Variants in TP53TG5 observed in about 807,000 individuals in gnomAD.
TP53TG5 encodes the protein TP53-target gene 5 protein.
Under a neutral mutation model 30.0 loss-of-function variants are expected in TP53TG5, and 17 were observed. That is an observed-to-expected ratio of 0.57 (90% confidence interval 0.39 to 0.85). TP53TG5 has a LOEUF of 0.85. Among genes scored for constraint, TP53TG5 ranks in the 40% least tolerant of loss-of-function variants. The probability of loss-of-function intolerance (pLI) is 0.00; values close to 1 mark genes in which losing one functional copy is unlikely to be tolerated. For missense variants in TP53TG5, 338 were observed against 367.9 expected, an observed-to-expected ratio of 0.92 and a Z score of 0.67; for synonymous variants, 137 against 139.2, an observed-to-expected ratio of 0.98 and a Z score of 0.11.
At position 45,373,815 on chromosome 20, in the gene TP53TG5, C is replaced by T. The variant is rs551225584; in HGVS notation, c.*92G>A. The T allele has an allele frequency of 2.7e-4, 345 of 1,261,214 alleles. 3 individuals are homozygous for T. Among genetic ancestry groups the T allele is most frequent in the South Asian group, 2.2e-3 (182 of 83,142 alleles). The allele number at this position is 1,261,214 out of a possible 1,614,324, so 78.1% of individuals were successfully genotyped here. A position where few individuals can be genotyped will look rare whatever the true frequency, so the allele number is the denominator to read the frequency against. ...AAGCCTGAAGTCGCGACACAGGCTC[C>T]CTCTACCGAAGGCCTCTTTCCTTCA... On this transcript the variant is annotated 3_prime_UTR_variant, in exon 5 of 5. Transcript: ENST00000372726.
At chr20:45,375,664 G>T in intron 3 of TP53TG5, 112 bp from the exon 4 acceptor site, 1 of 1,344,906 alleles carries the variant, frequency 7.4e-7, no homozygotes, top group Non-Finnish European at 1.0e-6. Flanking sequence ...AGAGGGGCCT[G>T]CAAAGAAACT....
rs779686519 is a variant in TP53TG5, at chr20:45,375,144, C to T, written c.663G>A (p.Pro221=). 33 of 1,613,994 alleles carry T rather than the reference C, an allele frequency of 2.0e-5. No individual in the cohort carries two copies. The Middle Eastern group carries it at 8.2e-4, about 40-fold the overall frequency. Reference sequence around the variant, plus strand: ...AGGATCTGCACATCACCCTGGGCGCCGGGAGGTGGATTCGTGTGGGCAGCC... The same window carrying T: ...AGGATCTGCACATCACCCTGGGCGCTGGGAGGTGGATTCGTGTGGGCAGCC... The part of the protein sequence containing the change: ...FEGLPTRIHL[P]APRVMCRSST... Residue 221 remains proline (P), a synonymous_variant, in exon 4 of 5, where the codon CCG becomes CCA. Coordinates refer to ENST00000372726, the MANE Select transcript of TP53TG5 (RefSeq NM_014477.3).
chr20:45,378,212 G>A lies in TP53TG5; in HGVS notation c.25C>T (p.Pro9Ser), dbSNP rs377107645. Reference protein sequence around the residue: MSPSAKKRPKNSRVSKMQD... With the variant: MSPSAKKRSKNSRVSKMQD... ...ACCTTGGAAACCCTGCTGTTCTTGG[G>A]CCTCTTCTTTGCTGATGGACTCATG... is the stretch of plus-strand genomic sequence containing the variant. Residue 9 changes from proline (P) to serine (S), a missense_variant, in exon 1 of 5, where the codon CCC (proline) becomes TCC (serine). Pro to Ser is a moderately conservative substitution (Grantham distance 74, BLOSUM62 -1). Transcript: ENST00000372726. The A allele has an allele frequency of 2.5e-6, 4 of 1,613,996 alleles. No individual in the cohort carries two copies. The highest frequency in any genetic ancestry group is 3.4e-6 in the Non-Finnish European group (4 of 1,180,008).
chr20:45,378,219 C>A lies in TP53TG5; in HGVS notation c.18G>T (p.Lys6Asn). Residue 6 changes from lysine to asparagine, a missense_variant, in exon 1 of 5, where the codon AAG becomes AAT. Transcript: ENST00000372726. ...AAACCCTGCTGTTCTTGGGCCTCTT[C>A]TTTGCTGATGGACTCATGCTGGGGC... MSPSAKKRPKNSRVSK... is the reference protein window; with the variant it reads MSPSANKRPKNSRVSK... The A allele has an allele frequency of 1.9e-6, 3 of 1,614,152 alleles. No homozygotes were observed. The highest frequency in any genetic ancestry group is 1.1e-5 in the South Asian group (1 of 91,080).
chr20:45,373,814 C>A lies in TP53TG5; in HGVS notation c.*93G>T. On this transcript the variant is annotated 3_prime_UTR_variant, in exon 5 of 5. Coordinates refer to ENST00000372726, the MANE Select transcript of TP53TG5 (RefSeq NM_014477.3). ...GAAGCCTGAAGTCGCGACACAGGCT[C>A]CCTCTACCGAAGGCCTCTTTCCTTC... 8.1e-7 allele frequency: 1 copy of A among 1,238,552 alleles called. No homozygotes were observed. The highest frequency in any genetic ancestry group is 1.2e-6 in the Non-Finnish European group (1 of 847,746). 76.7% of individuals were successfully genotyped at this position (1,238,552 alleles called of 1,614,324 possible). A position where few individuals can be genotyped will look rare whatever the true frequency, so the allele number is the denominator to read the frequency against.
rs767216821 is a variant in TP53TG5, at chr20:45,375,270, G to A, written c.537C>T (p.Thr179=). 10 of 1,614,028 alleles carry A rather than the reference G, an allele frequency of 6.2e-6. No individual in the cohort carries two copies. In the Admixed American group the frequency reaches 8.3e-5, roughly 13 times the overall value. The stretch of plus-strand genomic sequence containing the variant: ...TAATGAAGATGACTCGGGGGCCCTC[G>A]GTGAGTGGTTGCCTCCCCTGGACTC... The part of the protein sequence containing the change: ...NPGVQGRQPL[T]EGPRVIFIKP... Residue 179 remains threonine (T), a synonymous_variant, in exon 4 of 5, where the codon ACC becomes ACT. Transcript: ENST00000372726.
At position 45,373,541 on chromosome 20, in the gene TP53TG5, A is replaced by G. The variant is rs1190176319; in HGVS notation, c.*366T>C. ...GAAAATGGAATGGGGAGCAACCAGG[A>G]GCCCTTGCTCCTGCCACTTTCTAGC... On this transcript the variant is annotated 3_prime_UTR_variant, in exon 5 of 5. Transcript: ENST00000372726. 3.1e-5 allele frequency: 9 copies of G among 294,268 alleles called. No homozygotes were observed. Among genetic ancestry groups the G allele is most frequent in the Non-Finnish European group, 5.9e-5 (9 of 153,540 alleles). 18.2% of individuals were successfully genotyped at this position (294,268 alleles called of 1,614,324 possible).
At position 45,375,264 on chromosome 20, in the gene TP53TG5, GC is replaced by G; in HGVS notation, c.542del (p.Gly181AlafsTer19). 6.2e-7 allele frequency: 1 copy of G among 1,614,198 alleles called. No individual in the cohort carries two copies. The highest frequency in any genetic ancestry group is 8.5e-7 in the Non-Finnish European group (1 of 1,180,026). ...GVQGRQPLTE[G>X]PRVIFIKPYR... ...AGGGCTTAATGAAGATGACTCGGGG[GC>G]CCTCGGTGAGTGGTTGCCTCCCCTG... On this transcript the variant is annotated frameshift_variant, in exon 4 of 5. Coordinates refer to ENST00000372726, the MANE Select transcript of TP53TG5 (RefSeq NM_014477.3). LOFTEE classifies it high-confidence loss of function.
intron 4 of TP53TG5, chr20:45,374,479 C>A: frequency 1.8e-6 from 1 of 563,772 alleles, no homozygotes; most frequent in Non-Finnish European, 3.1e-6. Flanking sequence ...ATTATGTTGC[C>A]CAGGATGGTC....
chr20:45,377,442 C>T, intron 2 of TP53TG5, 97 bp downstream of exon 2: 2 of 1,608,022 alleles, frequency 1.2e-6, no homozygotes. Context: ...AAGGGCCGGC[C>T]TGCTGGCTCC....
intron 3 of TP53TG5, among the ~76,000 whole-genome samples, chr20:45,376,959 A>T (rs867029522): frequency 1.1e-4 from 17 of 152,288 alleles, no homozygotes; most frequent in African/African-American, 3.9e-4. Flanking sequence ...AACCATTGTT[A>T]TGGCCACAGC....
chr20:45,378,298 T>C lies in TP53TG5; in HGVS notation c.-62A>G, dbSNP rs530716752. 2 of 1,611,720 alleles carry C rather than the reference T, an allele frequency of 1.2e-6. No individual in the cohort carries two copies. Among genetic ancestry groups the C allele is most frequent in the East Asian group, 4.5e-5 (2 of 44,822 alleles). On this transcript the variant is annotated 5_prime_UTR_variant, in exon 1 of 5. Coordinates refer to ENST00000372726, the MANE Select transcript of TP53TG5 (RefSeq NM_014477.3). ...CACCAGTGCCAGGCACCAACCCTGT[T>C]CCTCTCAGTTCAGCCAGCACTCAGG... is the stretch of plus-strand genomic sequence containing the variant.
At position 45,377,331 on chromosome 20, in the gene TP53TG5, G is replaced by GT. The variant is rs1988762430; in HGVS notation, c.134dup (p.Asn45LysfsTer20). ...TCTTGAGTAGCTTCAAGAGCGACAA[G>GT]TTTTTTAACACCTGCCAGGGTCAAG... is the stretch of plus-strand genomic sequence containing the variant. On this transcript the variant is annotated frameshift_variant, in exon 3 of 5. Coordinates refer to ENST00000372726, the MANE Select transcript of TP53TG5 (RefSeq NM_014477.3). LOFTEE classifies it high-confidence loss of function. 1.2e-6 allele frequency: 2 copies of GT among 1,614,142 alleles called. No individual in the cohort carries two copies. Among genetic ancestry groups the GT allele is most frequent in the Non-Finnish European group, 8.5e-7 (1 of 1,180,030 alleles).
intron 4 of TP53TG5, 166 bp downstream of exon 4, chr20:45,374,873 G>T (rs777626619): frequency 5.8e-6 from 5 of 867,364 alleles, no homozygotes; most frequent in Non-Finnish European, 7.0e-6. Flanking sequence ...GTATGATGTT[G>T]GTCTAAGGCT....
In TP53TG5 at chr20:45,373,521, T is replaced by C; in HGVS notation, c.*386A>G. On this transcript the variant is annotated 3_prime_UTR_variant, in exon 5 of 5. Coordinates refer to ENST00000372726, the MANE Select transcript of TP53TG5 (RefSeq NM_014477.3). ...TCGCCTTTTCCCTTTCTTGGGAAAATGGAATGGGGAGCAACCAGGAGCCCT... is the reference window on the plus strand; with the variant it reads ...TCGCCTTTTCCCTTTCTTGGGAAAACGGAATGGGGAGCAACCAGGAGCCCT... 2 of 252,556 alleles carry C rather than the reference T, an allele frequency of 7.9e-6. No homozygotes were observed. Among genetic ancestry groups the C allele is most frequent in the South Asian group, 1.3e-4 (2 of 15,228 alleles). 15.6% of individuals were successfully genotyped at this position (252,556 alleles called of 1,614,324 possible).
intron 4 of TP53TG5, chr20:45,374,745 CAGCAG>C (rs1988669592): frequency 4.2e-6 from 2 of 471,684 alleles, no homozygotes; most frequent in Non-Finnish European, 7.5e-6. Flanking sequence ...TTCAGAGCCA[CAGCAG>C]TTTCCACCTC....
Position 45,373,916 on chromosome 20 carries a change from G to T in TP53TG5, c.864C>A (p.Val288=). ...KGRNGWRNSR[V]YK is the part of the protein sequence containing the mutation. ...TGCCATATGGAAGATCTTATTTGTAGACTCGTGAATTTCGCCACCCATTCC... is the reference window on the plus strand; with the variant it reads ...TGCCATATGGAAGATCTTATTTGTATACTCGTGAATTTCGCCACCCATTCC... The change falls in exon 5 of 5, where the codon GTC becomes GTA. Residue 288 remains valine, a synonymous_variant. Coordinates refer to ENST00000372726, the MANE Select transcript of TP53TG5 (RefSeq NM_014477.3). The T allele has an allele frequency of 6.2e-7, 1 of 1,613,848 alleles. No individual in the cohort carries two copies. The highest frequency in any genetic ancestry group is 8.5e-7 in the Non-Finnish European group (1 of 1,179,814).
chr20:45,377,649 A>G, intron 1 of TP53TG5, 36 bp from the exon 2 acceptor site: 1 of 1,604,884 alleles, frequency 6.2e-7, no homozygotes, highest in African/African-American at 1.3e-5. Context: ...ATAAACCCAG[A>G]GGAATCAGCC....
chr20:45,375,801 A>G (rs749059606), intron 3 of TP53TG5: 9 of 503,686 alleles, frequency 1.8e-5, no homozygotes, highest in Non-Finnish European at 2.8e-5. Flanking sequence ...AATATTGTCT[A>G]CATCATCTGC....
Sources: allele counts gnomAD v4.1 joint callset (sites outside exome capture counted in the v4.1 genomes callset), GRCh38; gene constraint gnomAD v4.1.1; transcripts MANE v1.5; gene names NCBI Gene and HGNC (gene_info 2026-07-23, HGNC 2026-07-21).